PCDH11X: variants seen among roughly 807,000 people sequenced by gnomAD.
The protein encoded by PCDH11X is protocadherin-11 X-linked.
A neutral mutation model predicts 53.3 loss-of-function variants in PCDH11X; 18 were observed. The observed-to-expected ratio is 0.34, with a 90% CI of 0.23 to 0.50. The LOEUF (loss-of-function observed/expected upper bound fraction) is 0.50. PCDH11X is among the 20% of genes least tolerant of loss of function. PCDH11X has a pLI of 0.98. For synonymous variants in PCDH11X, 279 were observed against 393.3 expected (o/e 0.71, Z 3.44); for missense variants, 570 against 1,032.4 (o/e 0.55, Z 6.14).
At chrX:92,096,800 C>T (rs1174612929) in intron 6 of PCDH11X, among the ~76,000 whole-genome samples, 1 of 111,210 alleles carries the variant, frequency 9.0e-6, no homozygotes, top group Non-Finnish European at 1.9e-5. Flanking sequence ...CATTGGATCA[C>T]TCCCACAACA....
At chrX:92,544,177 T>A (rs1482535110) in intron 10 of PCDH11X, among the ~76,000 whole-genome samples, 2 of 111,400 alleles carry the variant, frequency 1.8e-5, no homozygotes. Flanking sequence ...TGAATTTCCC[T>A]TCTTGAGCAT....
intron 6 of PCDH11X, among the ~76,000 whole-genome samples, chrX:91,890,450 A>G (rs979048956): frequency 1.8e-5 from 2 of 109,367 alleles, no homozygotes; most frequent in African/African-American, 6.6e-5. Flanking sequence ...TTTTAAAAAA[A>G]TTATTTGTCT....
chrX:92,240,944 G>T (rs190334414), intron 7 of PCDH11X, among the ~76,000 whole-genome samples: 2 of 110,284 alleles, frequency 1.8e-5, no homozygotes, highest in East Asian at 5.7e-4. Context: ...TGCTGGCCTG[G>T]GTTCTTTTTT....
intron 6 of PCDH11X, among the ~76,000 whole-genome samples, chrX:92,089,401 A>T (rs1030827763): frequency 8.9e-6 from 1 of 112,266 alleles, no homozygotes; most frequent in Non-Finnish European, 1.9e-5. Flanking sequence ...TTTATAAATA[A>T]ATCTCTCATG....
In PCDH11X at chrX:92,597,873, A is replaced by T. The variant is rs369525989; in HGVS notation, c.3368-20391A>T. On this transcript the variant is annotated intron_variant, in intron 10 of 10. Coordinates refer to ENST00000682573, the MANE Select transcript of PCDH11X (RefSeq NM_032968.5). ...AATCGAGAACCTACAAACAAATCCA[A>T]ACACGTACAGTGAACTCATTTTCTC... Among the ~76,000 whole-genome samples, 22 of 111,566 alleles carry T rather than the reference A, an allele frequency of 2.0e-4. No individual in the cohort carries two copies. In the East Asian group the frequency reaches 4.3e-3, roughly 22 times the overall value.
chrX:92,282,169 G>C (rs1468416634), intron 8 of PCDH11X, among the ~76,000 whole-genome samples: 1 of 111,045 alleles, frequency 9.0e-6, no homozygotes, highest in East Asian at 2.8e-4. Context: ...TAATGTTTTG[G>C]AGTTATTTAA....
chrX:92,312,610 C>G (rs1285836302), intron 8 of PCDH11X, among the ~76,000 whole-genome samples: 1 of 110,104 alleles, frequency 9.1e-6, no homozygotes, highest in Non-Finnish European at 1.9e-5. Flanking sequence ...GGACAAGTAC[C>G]TATCTAAAAT....
At chrX:92,523,878 T>A (rs1164587778) in intron 10 of PCDH11X, among the ~76,000 whole-genome samples, 1 of 111,673 alleles carries the variant, frequency 9.0e-6, no homozygotes. Context: ...CAATCCATCA[T>A]ACATTTGTTT....
At chrX:91,993,491 T>C (rs1373009646) in intron 6 of PCDH11X, among the ~76,000 whole-genome samples, 1 of 112,133 alleles carries the variant, frequency 8.9e-6, no homozygotes, top group Non-Finnish European at 1.9e-5. Flanking sequence ...TTTTGAATCA[T>C]CCTTTTATAG....
chrX:92,554,724 ATCTGTTT>A (rs1024335260), intron 10 of PCDH11X, among the ~76,000 whole-genome samples: 21 of 109,506 alleles, frequency 1.9e-4, no homozygotes, highest in African/African-American at 7.0e-4. Flanking sequence ...TGTTCTTATC[ATCTGTTT>A]TCTGTTTTCT....
intron 10 of PCDH11X, among the ~76,000 whole-genome samples, chrX:92,501,896 G>T (rs1249466807): frequency 1.8e-5 from 2 of 110,724 alleles, no homozygotes; most frequent in African/African-American, 6.6e-5. Context: ...AAGAGATAAA[G>T]AGTATTCAAA....
chrX:91,813,047 A>AGGGGAGATACAAAAAATTAACATTCAG (rs1181058066), intron 4 of PCDH11X, among the ~76,000 whole-genome samples: 69 of 111,458 alleles, frequency 6.2e-4, no homozygotes, highest in African/African-American at 2.1e-3. Flanking sequence ...GAGATAGTAG[A>AGGGGAGATACAAAAAATTAACATTCAG]GGGGAGATAC....
chrX:91,894,075 T>C (rs1361454881), intron 6 of PCDH11X, among the ~76,000 whole-genome samples: 1 of 112,191 alleles, frequency 8.9e-6, no homozygotes, highest in Non-Finnish European at 1.9e-5. Flanking sequence ...GACAATCTTA[T>C]ATCAGGAGAT....
chrX:92,572,014 A>T (rs1202766280), intron 10 of PCDH11X, among the ~76,000 whole-genome samples: 1 of 112,520 alleles, frequency 8.9e-6, no homozygotes, highest in African/African-American at 3.2e-5. Flanking sequence ...CCTTCAAATT[A>T]AACTTGATTA....
intron 6 of PCDH11X, among the ~76,000 whole-genome samples, chrX:92,157,237 A>G (rs1209310948): frequency 2.7e-5 from 3 of 111,546 alleles, no homozygotes; most frequent in East Asian, 5.7e-4. Context: ...ACAGTTACCT[A>G]TTAGAGAGCT....
intron 10 of PCDH11X, among the ~76,000 whole-genome samples, chrX:92,605,787 A>T (rs765613160): frequency 1.5e-4 from 17 of 111,769 alleles, no homozygotes; most frequent in African/African-American, 5.2e-4. Context: ...TCTTCTAAAA[A>T]TTCTAAACTA....
At chrX:92,275,924 A>G (rs1207753772) in intron 8 of PCDH11X, among the ~76,000 whole-genome samples, 1 of 109,962 alleles carries the variant, frequency 9.1e-6, no homozygotes, top group African/African-American at 3.3e-5. Flanking sequence ...AAGGTGGGGG[A>G]ATACAAGAGG....
At chrX:92,174,753 A>G (rs191691108) in intron 6 of PCDH11X, among the ~76,000 whole-genome samples, 1 of 111,874 alleles carries the variant, frequency 8.9e-6, no homozygotes, top group African/African-American at 3.2e-5. Context: ...TCTTGACTAC[A>G]GATAGTTAAG....
At chrX:91,886,034 A>G (rs1045708275) in intron 6 of PCDH11X, among the ~76,000 whole-genome samples, 1 of 111,700 alleles carries the variant, frequency 9.0e-6, no homozygotes, top group Admixed American at 9.5e-5. Flanking sequence ...TATTATCTCT[A>G]TTTGAGAACA....
Sources: gnomAD v4.1 joint callset for allele counts (sites outside exome capture counted in the v4.1 genomes callset) on GRCh38, gnomAD v4.1.1 for gene constraint, MANE v1.5 for transcripts, NCBI Gene and HGNC (gene_info 2026-07-23, HGNC 2026-07-21) for gene names.